Variants in PDE4D observed in about 807,000 individuals in gnomAD.
PDE4D encodes the protein 3',5'-cyclic-AMP phosphodiesterase 4D.
In PDE4D, 24 loss-of-function variants were observed where a neutral mutation model predicts 87.4. That is an observed-to-expected ratio of 0.27 (90% CI 0.20 to 0.39). The LOEUF (loss-of-function observed/expected upper bound fraction) is 0.39, where lower values mean the gene tolerates loss of function less well. Among genes scored for constraint, PDE4D ranks in the 10% least tolerant of loss-of-function variants. The pLI is 1.00. For missense variants in PDE4D, 714 were observed against 1,041.0 expected, an observed-to-expected ratio of 0.69 and a Z score of 4.32; for synonymous variants, 384 against 383.2, an observed-to-expected ratio of 1.00 and a Z score of -0.02.
chr5:60,254,317 C>G (rs1748810159), intron 1 of PDE4D, among the ~76,000 whole-genome samples: 1 of 151,914 alleles, frequency 6.6e-6, no homozygotes, highest in African/African-American at 2.4e-5. Context: ...ATGCTTATGC[C>G]AGCAACCCTG....
At chr5:59,325,997 C>T (rs1775569604) in intron 1 of PDE4D, among the ~76,000 whole-genome samples, 2 of 152,012 alleles carry the variant, frequency 1.3e-5, no homozygotes, top group South Asian at 4.1e-4. Context: ...AACTATCATT[C>T]TCAGCAAACT....
At chr5:60,241,167 CA>C (rs886626241) in intron 1 of PDE4D, among the ~76,000 whole-genome samples, 1 of 150,852 alleles carries the variant, frequency 6.6e-6, no homozygotes, top group Non-Finnish European at 1.5e-5. Flanking sequence ...AGATAAATTT[CA>C]CAAAAAGATT....
chr5:59,640,331 C>CTTCAGACTCT (rs1283035386), intron 1 of PDE4D, among the ~76,000 whole-genome samples: 5 of 152,236 alleles, frequency 3.3e-5, no homozygotes, highest in Non-Finnish European at 4.4e-5. Context: ...ACTCTGGAGC[C>CTTCAGACTCT]GGAGTTCTTC....
chr5:59,861,956 A>G (rs1746342006), intron 1 of PDE4D, among the ~76,000 whole-genome samples: 1 of 152,180 alleles, frequency 6.6e-6, no homozygotes, highest in African/African-American at 2.4e-5. Flanking sequence ...AAGCAGTCCA[A>G]ATTTAGAGTT....
intron 4 of PDE4D, 59 bp downstream of exon 4, chr5:59,185,130 G>T: frequency 7.4e-7 from 1 of 1,355,488 alleles, no homozygotes; most frequent in Non-Finnish European, 1.1e-6. Context: ...GCTCAATCAA[G>T]TTGAGAAAAC....
intron 11 of PDE4D, among the ~76,000 whole-genome samples, chr5:58,981,339 C>T (rs1035975740): frequency 2.6e-5 from 4 of 152,132 alleles, no homozygotes; most frequent in Non-Finnish European, 5.9e-5. Flanking sequence ...TAAAAGCACA[C>T]TAACACATTC....
intron 1 of PDE4D, among the ~76,000 whole-genome samples, chr5:59,658,019 C>T (rs1744648382): frequency 6.6e-6 from 1 of 152,070 alleles, no homozygotes; most frequent in Admixed American, 6.6e-5. Flanking sequence ...AACTTATAAA[C>T]TGGTTTAAGG....
At chr5:59,665,553 A>T (rs1405802108) in intron 1 of PDE4D, among the ~76,000 whole-genome samples, 1 of 152,216 alleles carries the variant, frequency 6.6e-6, no homozygotes, top group Non-Finnish European at 1.5e-5. Flanking sequence ...GATTGCTTTA[A>T]TTTCCATATT....
chr5:59,211,975 A>G (rs1750181266), intron 2 of PDE4D, among the ~76,000 whole-genome samples: 1 of 152,118 alleles, frequency 6.6e-6, no homozygotes, highest in African/African-American at 2.4e-5. Context: ...TTCATTTTAA[A>G]TACCCTTCAT....
At chr5:59,649,670 G>C (rs1350648654) in intron 1 of PDE4D, among the ~76,000 whole-genome samples, 1 of 151,256 alleles carries the variant, frequency 6.6e-6, no homozygotes, top group African/African-American at 2.4e-5. Context: ...AGGTCCCAGA[G>C]AGGCAGTTTG....
Position 60,268,033 on chromosome 5 carries a change from C to A in PDE4D, c.-89-82346G>T, listed in dbSNP as rs1345793256. 2.0e-5 allele frequency among the ~76,000 whole-genome samples: 3 copies of A among 152,074 alleles called. No individual in the cohort carries two copies. The South Asian group carries it at 6.2e-4, about 32-fold the overall frequency. ...TCACTTAAAACCAGAGGAAATGAGACCTTTCCAAGCCCTAATCATGCAGGC... is the reference window on the plus strand; with the variant it reads ...TCACTTAAAACCAGAGGAAATGAGAACTTTCCAAGCCCTAATCATGCAGGC... On this transcript the variant is annotated intron_variant, in intron 1 of 16. Transcript: ENST00000502484.
At chr5:60,031,146 T>C (rs1046924260) in intron 2 of PDE4D, among the ~76,000 whole-genome samples, 2 of 152,246 alleles carry the variant, frequency 1.3e-5, no homozygotes, top group Non-Finnish European at 2.9e-5. Context: ...TGAATTTTCC[T>C]TGACATCTTT....
intron 1 of PDE4D, among the ~76,000 whole-genome samples, chr5:59,826,861 A>T (rs1446673732): frequency 6.6e-6 from 1 of 152,154 alleles, no homozygotes; most frequent in Non-Finnish European, 1.5e-5. Flanking sequence ...TTATTTGAAT[A>T]ATCTGACTAA....
chr5:59,528,389 A>G (rs182561026), intron 1 of PDE4D, among the ~76,000 whole-genome samples: 2 of 152,318 alleles, frequency 1.3e-5, no homozygotes, highest in African/African-American at 4.8e-5. Flanking sequence ...AACCAGATGG[A>G]GTTAAATAGG....
chr5:60,141,986 A>G (rs1233454024), intron 2 of PDE4D, among the ~76,000 whole-genome samples: 1 of 152,182 alleles, frequency 6.6e-6, no homozygotes, highest in Non-Finnish European at 1.5e-5. Context: ...TTTCTGGTCT[A>G]TATCTCCTCT....
At chr5:59,583,608 G>A (rs763985064) in intron 1 of PDE4D, among the ~76,000 whole-genome samples, 19 of 152,222 alleles carry the variant, frequency 1.2e-4, no homozygotes, top group Non-Finnish European at 1.8e-4. Flanking sequence ...TTTTAGCACG[G>A]AAGGGGTAGT....
chr5:59,243,740 G>A (rs1037808839), intron 1 of PDE4D, among the ~76,000 whole-genome samples: 2 of 152,038 alleles, frequency 1.3e-5, no homozygotes, highest in East Asian at 3.9e-4. Flanking sequence ...AATTACAGGC[G>A]TGAGCCACCG....
At chr5:59,858,443 G>A (rs1043225285) in intron 1 of PDE4D, among the ~76,000 whole-genome samples, 1 of 151,910 alleles carries the variant, frequency 6.6e-6, no homozygotes, top group African/African-American at 2.4e-5. Context: ...GCTTGTCTTT[G>A]CCCTCATTCA....
intron 5 of PDE4D, among the ~76,000 whole-genome samples, chr5:59,138,555 A>G (rs1777461456): frequency 1.3e-5 from 2 of 152,226 alleles, no homozygotes; most frequent in Admixed American, 1.3e-4. Context: ...ACATTGTCTA[A>G]GACTTCCTAC....
Sources: gnomAD v4.1 joint callset for allele counts (sites outside exome capture counted in the v4.1 genomes callset) on GRCh38, gnomAD v4.1.1 for gene constraint, MANE v1.5 for transcripts, NCBI Gene and HGNC (gene_info 2026-07-23, HGNC 2026-07-21) for gene names.